The following SEMA3E variants were observed in gnomAD, a reference collection of about 807,000 sequenced individuals.
SEMA3E encodes the protein semaphorin-3E.
Under a neutral mutation model 93.6 loss-of-function variants are expected in SEMA3E, and 49 were observed. The ratio of observed to expected loss-of-function variants is 0.52; its 90% CI spans 0.42 to 0.66. The LOEUF (loss-of-function observed/expected upper bound fraction) is 0.66, where lower values mean the gene tolerates loss of function less well. Among genes scored for constraint, SEMA3E ranks in the 30% least tolerant of loss-of-function variants. The probability of loss-of-function intolerance (pLI) is 0.00; values close to 1 mark genes in which losing one functional copy is unlikely to be tolerated. For missense variants in SEMA3E, 906 were observed against 964.8 expected, an observed-to-expected ratio of 0.94 and a Z score of 0.81; for synonymous variants, 363 against 330.7, an observed-to-expected ratio of 1.10 and a Z score of -1.06.
rs185210023 is a variant in SEMA3E at position 83,426,675 on chromosome 7, C to A, written c.457-8192G>T. 2.4e-3 allele frequency among the ~76,000 whole-genome samples: 361 copies of A among 152,218 alleles called. 7 individuals carry two copies. The highest frequency in any genetic ancestry group is 4.0e-3 in the Non-Finnish European group (275 of 67,998). On this transcript the variant is annotated intron_variant, in intron 4 of 16. Coordinates refer to ENST00000643230, the MANE Select transcript of SEMA3E (RefSeq NM_012431.3). Reference sequence around the variant, plus strand: ...TGTACTCCCGACTCTAAAACAAAAGCTGAAATTATTAAAAACATACAAAAA... The same window carrying A: ...TGTACTCCCGACTCTAAAACAAAAGATGAAATTATTAAAAACATACAAAAA...
intron 2 of SEMA3E, among the ~76,000 whole-genome samples, chr7:83,485,815 A>C (rs1323146636): frequency 6.6e-6 from 1 of 152,034 alleles, no homozygotes; most frequent in Non-Finnish European, 1.5e-5. Flanking sequence ...GGGATTGGTG[A>C]TATTCAGATG....
chr7:83,570,312 G>T (rs1353326628), intron 1 of SEMA3E, among the ~76,000 whole-genome samples: 3 of 151,868 alleles, frequency 2.0e-5, no homozygotes, highest in Non-Finnish European at 4.4e-5. Flanking sequence ...CCAGCACTTT[G>T]GGAGGCCGAG....
In SEMA3E at chr7:83,563,440, C is replaced by T. The variant is rs59401865; in HGVS notation, c.116-73166G>A. The stretch of plus-strand genomic sequence containing the variant: ...TCAAATGCTGCTACTTTTAACCAGA[C>T]ATACTCCATGTTAATGCCTCTCACA... On this transcript the variant is annotated intron_variant, in intron 1 of 16. Coordinates refer to ENST00000643230, the MANE Select transcript of SEMA3E (RefSeq NM_012431.3). Among the ~76,000 whole-genome samples, 1,257 of 152,312 alleles carry T rather than the reference C, an allele frequency of 8.3e-3. 19 individuals carry two copies. The highest frequency in any genetic ancestry group is 0.028 in the African/African-American group (1,171 of 41,562).
intron 2 of SEMA3E, among the ~76,000 whole-genome samples, chr7:83,487,547 C>CAGAG (rs541417942): frequency 2.0e-5 from 3 of 148,788 alleles, no homozygotes; most frequent in Non-Finnish European, 3.0e-5. Context: ...TAGATGGTAT[C>CAGAG]AGAGAGAGAG....
At chr7:83,446,069 G>T (rs992895857) in intron 4 of SEMA3E, among the ~76,000 whole-genome samples, 4 of 152,134 alleles carry the variant, frequency 2.6e-5, no homozygotes, top group Non-Finnish European at 5.9e-5. Flanking sequence ...CATTAAAATG[G>T]AGTCTTAAGT....
At chr7:83,450,148 T>C (rs911627485) in intron 4 of SEMA3E, among the ~76,000 whole-genome samples, 2 of 152,190 alleles carry the variant, frequency 1.3e-5, no homozygotes, top group Admixed American at 6.5e-5. Flanking sequence ...GTGGGGTAAC[T>C]AGAAAACTTA....
chr7:83,461,735 A>G (rs1020992850), intron 4 of SEMA3E, among the ~76,000 whole-genome samples: 11 of 152,166 alleles, frequency 7.2e-5, no homozygotes, highest in Admixed American at 6.5e-4. Flanking sequence ...TAAAACTCCA[A>G]AAATTAAATT....
chr7:83,389,546 C>T (rs1290059685), intron 14 of SEMA3E, among the ~76,000 whole-genome samples: 2 of 151,926 alleles, frequency 1.3e-5, no homozygotes, highest in Admixed American at 6.6e-5. Context: ...TCATTTTATA[C>T]TATCCCCGTA....
At chr7:83,439,196 C>G (rs1302871411) in intron 4 of SEMA3E, among the ~76,000 whole-genome samples, 5 of 152,134 alleles carry the variant, frequency 3.3e-5, no homozygotes, top group African/African-American at 1.2e-4. Flanking sequence ...ATGAGTGTTC[C>G]TACTGCTGAC....
At chr7:83,479,195 T>C (rs1265720418) in intron 2 of SEMA3E, among the ~76,000 whole-genome samples, 2 of 152,220 alleles carry the variant, frequency 1.3e-5, no homozygotes, top group Non-Finnish European at 2.9e-5. Context: ...TATACTGCTC[T>C]AAAATTTCTG....
intron 1 of SEMA3E, among the ~76,000 whole-genome samples, chr7:83,525,644 G>A (rs1026554470): frequency 1.3e-5 from 2 of 151,652 alleles, no homozygotes; most frequent in African/African-American, 4.8e-5. Flanking sequence ...TCAAAGAGCT[G>A]TTTTATTTTC....
intron 1 of SEMA3E, among the ~76,000 whole-genome samples, chr7:83,559,422 G>A (rs1297170305): frequency 6.6e-6 from 1 of 152,034 alleles, no homozygotes; most frequent in Non-Finnish European, 1.5e-5. Context: ...AGTAGTGTCA[G>A]ACATCTCACA....
Position 83,418,369 on chromosome 7 carries a change from GTC to G in SEMA3E, c.550+19_550+20del. On this transcript the variant is annotated intron_variant, in intron 5 of 16. Transcript: ENST00000643230. ...AAAATCCTTATGACTACCACCTGATGTCTGTGGCAATGACAATTACCAATTAA... is the reference window on the plus strand; with the variant it reads ...AAAATCCTTATGACTACCACCTGATGTGTGGCAATGACAATTACCAATTAA... 6.6e-7 allele frequency: 1 copy of G among 1,519,284 alleles called. No homozygotes were observed. Among genetic ancestry groups the G allele is most frequent in the Non-Finnish European group, 9.1e-7 (1 of 1,096,154 alleles). 94.1% of individuals were successfully genotyped at this position (1,519,284 alleles called of 1,614,324 possible). A position where few individuals can be genotyped will look rare whatever the true frequency, so the allele number is the denominator to read the frequency against.
chr7:83,613,839 G>A (rs924291463), intron 1 of SEMA3E, among the ~76,000 whole-genome samples: 1 of 151,882 alleles, frequency 6.6e-6, no homozygotes, highest in African/African-American at 2.4e-5. Context: ...CCCTATTAAA[G>A]AGTAAAAAAT....
rs565795801 is a variant in SEMA3E, at chr7:83,583,947, C to T, written c.115+64481G>A. On this transcript the variant is annotated intron_variant, in intron 1 of 16. Transcript: ENST00000643230. ...CAGAAAGAACTTGAGTCCTCATTGACGTTGTTGAGCCTACACAGCTATGTG... is the reference window on the plus strand; with the variant it reads ...CAGAAAGAACTTGAGTCCTCATTGATGTTGTTGAGCCTACACAGCTATGTG... Among the ~76,000 whole-genome samples the T allele has an allele frequency of 2.6e-5, 4 of 152,106 alleles. No individual in the cohort carries two copies. In the South Asian group the frequency reaches 8.3e-4, roughly 32 times the overall value.
intron 5 of SEMA3E, among the ~76,000 whole-genome samples, chr7:83,411,277 T>A (rs968245837): frequency 6.6e-6 from 1 of 152,078 alleles, no homozygotes; most frequent in Admixed American, 6.6e-5. Flanking sequence ...CAGTTTCCCA[T>A]TTTGCACTCA....
chr7:83,429,926 TA>T (rs1788848270), intron 4 of SEMA3E, among the ~76,000 whole-genome samples: 1 of 152,192 alleles, frequency 6.6e-6, no homozygotes, highest in Non-Finnish European at 1.5e-5. Flanking sequence ...TGATATTCTC[TA>T]AGAAATCTCC....
chr7:83,474,106 A>G (rs1188620867), intron 2 of SEMA3E, among the ~76,000 whole-genome samples: 3 of 151,378 alleles, frequency 2.0e-5, no homozygotes, highest in African/African-American at 4.8e-5. Flanking sequence ...AAAAAAAAAA[A>G]AAAAAAAAAA....
rs982688117 is a variant in SEMA3E, at chr7:83,458,958, T to C, written c.456+7524A>G. Among the ~76,000 whole-genome samples the C allele has an allele frequency of 5.6e-4, 44 of 78,632 alleles. No individual in the cohort carries two copies. The East Asian group carries it at 0.078, about 140-fold the overall frequency. 51.6% of individuals were successfully genotyped at this position (78,632 alleles called of 152,430 possible). A position where few individuals can be genotyped will look rare whatever the true frequency, so the allele number is the denominator to read the frequency against. On this transcript the variant is annotated intron_variant, in intron 4 of 16. Transcript: ENST00000643230. ...ATATATATACACATATGTATATGTGTGTGTGTGTGTGTGTGTATATATATA... is the reference window on the plus strand; with the variant it reads ...ATATATATACACATATGTATATGTGCGTGTGTGTGTGTGTGTATATATATA...
Sources: gnomAD v4.1 joint callset for allele counts (sites outside exome capture counted in the v4.1 genomes callset) on GRCh38, gnomAD v4.1.1 for gene constraint, MANE v1.5 for transcripts, NCBI Gene and HGNC (gene_info 2026-07-23, HGNC 2026-07-21) for gene names.